SPON1: variants seen among roughly 807,000 people sequenced by gnomAD.
SPON1 encodes the protein spondin 1.
A neutral mutation model predicts 111.7 loss-of-function variants in SPON1; 52 were observed. That is an observed-to-expected ratio of 0.47 (90% CI 0.37 to 0.59). SPON1 has a LOEUF of 0.59. SPON1 is among the 20% of genes least tolerant of loss of function. SPON1 has a pLI of 0.00. For missense variants in SPON1, 957 were observed against 1,068.5 expected, an observed-to-expected ratio of 0.90 and a Z score of 1.46; for synonymous variants, 410 against 395.8, an observed-to-expected ratio of 1.04 and a Z score of -0.43.
At chr11:14,253,489 GC>G (rs1554940843) in intron 7 of SPON1, among the ~76,000 whole-genome samples, 2 of 152,338 alleles carry the variant, frequency 1.3e-5, no homozygotes, top group East Asian at 3.9e-4. Flanking sequence ...TGATACCAGA[GC>G]CCAAGGGGCC....
chr11:14,204,215 T>C (rs1410205328), intron 6 of SPON1, among the ~76,000 whole-genome samples: 1 of 152,224 alleles, frequency 6.6e-6, no homozygotes, highest in Non-Finnish European at 1.5e-5. Flanking sequence ...GGAGGAAGGG[T>C]ACAGCTCTTG....
chr11:14,045,333 G>T lies in SPON1; in HGVS notation c.479+3679G>T, dbSNP rs1848660192. Among the ~76,000 whole-genome samples the T allele has an allele frequency of 2.0e-5, 3 of 152,118 alleles. No individual in the cohort carries two copies. The South Asian group carries it at 6.2e-4, about 32-fold the overall frequency. On this transcript the variant is annotated intron_variant, in intron 3 of 15. Coordinates refer to ENST00000576479, the MANE Select transcript of SPON1 (RefSeq NM_006108.4). ...GCTTGTAATCCCAGCACTTTGGGAG[G>T]CCGAGCCGAGAGGGGGGCAGATCGC...
intron 6 of SPON1, among the ~76,000 whole-genome samples, chr11:14,137,947 C>T (rs923085089): frequency 1.3e-5 from 2 of 152,084 alleles, no homozygotes; most frequent in African/African-American, 2.4e-5. Flanking sequence ...TATTGTTCCC[C>T]GCAAGCACAC....
chr11:14,140,905 G>A (rs764427120), intron 6 of SPON1, among the ~76,000 whole-genome samples: 1 of 152,088 alleles, frequency 6.6e-6, no homozygotes. Context: ...TTTCTTGGAG[G>A]TGTCTTGGGC....
At chr11:14,029,526 G>A (rs1297158247) in intron 2 of SPON1, among the ~76,000 whole-genome samples, 4 of 152,122 alleles carry the variant, frequency 2.6e-5, no homozygotes, top group Non-Finnish European at 5.9e-5. Context: ...AAAAGGAAAA[G>A]CAACTCTCAG....
chr11:14,164,737 G>A (rs956056764), intron 6 of SPON1, among the ~76,000 whole-genome samples: 3 of 152,080 alleles, frequency 2.0e-5, no homozygotes, highest in African/African-American at 7.2e-5. Context: ...ACTTAAATCA[G>A]CCTCCCCTAG....
At chr11:14,237,622 G>C (rs1848882344) in intron 6 of SPON1, among the ~76,000 whole-genome samples, 1 of 152,216 alleles carries the variant, frequency 6.6e-6, no homozygotes, top group Non-Finnish European at 1.5e-5. Flanking sequence ...CTGTTGAATG[G>C]GGGAATGCAC....
chr11:14,025,467 TGTC>T (rs144706609), intron 2 of SPON1, among the ~76,000 whole-genome samples: 1 of 152,292 alleles, frequency 6.6e-6, no homozygotes, highest in African/African-American at 2.4e-5. Context: ...GCAAGATGGT[TGTC>T]ATCTTAAATG....
chr11:14,264,775 C>T (rs1564945423), intron 15 of SPON1, among the ~76,000 whole-genome samples: 1 of 152,102 alleles, frequency 6.6e-6, no homozygotes, highest in Non-Finnish European at 1.5e-5. Flanking sequence ...GCTATGGAAG[C>T]AGTAATCAAA....
At chr11:14,019,150 C>T (rs1848463458) in intron 2 of SPON1, among the ~76,000 whole-genome samples, 1 of 152,044 alleles carries the variant, frequency 6.6e-6, no homozygotes, top group Admixed American at 6.6e-5. Context: ...TTTAGTCATC[C>T]ATAGTATTTG....
chr11:14,012,892 T>G (rs1848416863), intron 2 of SPON1, among the ~76,000 whole-genome samples: 1 of 152,212 alleles, frequency 6.6e-6, no homozygotes, highest in African/African-American at 2.4e-5. Flanking sequence ...GCTACATTTT[T>G]TGCCCTTTTC....
intron 6 of SPON1, among the ~76,000 whole-genome samples, chr11:14,154,975 A>G (rs1269491297): frequency 6.6e-6 from 1 of 152,164 alleles, no homozygotes; most frequent in Non-Finnish European, 1.5e-5. Flanking sequence ...CAGGGACACA[A>G]TGCCGCCAGT....
intron 6 of SPON1, among the ~76,000 whole-genome samples, chr11:14,204,846 G>A (rs562430454): frequency 1.3e-5 from 2 of 151,874 alleles, no homozygotes; most frequent in East Asian, 1.9e-4. Context: ...CACCACCCCC[G>A]GCTAATTTTT....
intron 15 of SPON1, 44 bp downstream of exon 15, chr11:14,263,019 AG>A: frequency 6.5e-7 from 1 of 1,547,674 alleles, no homozygotes; most frequent in African/African-American, 1.4e-5. Context: ...CAGGACAGGC[AG>A]GGTTCTGCAC....
chr11:14,198,325 T>G (rs1179184468), intron 6 of SPON1, among the ~76,000 whole-genome samples: 1 of 152,144 alleles, frequency 6.6e-6, no homozygotes, highest in African/African-American at 2.4e-5. Context: ...TGCCTGGAGG[T>G]AAGAACCTCT....
intron 6 of SPON1, among the ~76,000 whole-genome samples, chr11:14,204,232 T>G (rs1848493497): frequency 6.6e-6 from 1 of 152,180 alleles, no homozygotes; most frequent in African/African-American, 2.4e-5. Context: ...CTTGGGCACA[T>G]CCCCTTGGCT....
At chr11:14,047,080 T>G (rs1479470923) in intron 3 of SPON1, among the ~76,000 whole-genome samples, 1 of 152,194 alleles carries the variant, frequency 6.6e-6, no homozygotes, top group Non-Finnish European at 1.5e-5. Flanking sequence ...TTGGTAGTTC[T>G]ACTGGCTTAT....
At position 14,180,700 on chromosome 11, in the gene SPON1, T is replaced by C. The variant is rs375626276; in HGVS notation, c.825+45132T>C. On this transcript the variant is annotated intron_variant, in intron 6 of 15. Coordinates refer to ENST00000576479, the MANE Select transcript of SPON1 (RefSeq NM_006108.4). ...CCTGAGGACAGGGACTATGCCTTCT[T>C]TAAGTCAGGGAGTTGACGCATGTCT... is the stretch of plus-strand genomic sequence containing the variant. Among the ~76,000 whole-genome samples, 7 of 152,302 alleles carry C rather than the reference T, an allele frequency of 4.6e-5. No individual in the cohort carries two copies. In the East Asian group the frequency reaches 1.2e-3, roughly 25 times the overall value.
At chr11:14,190,662 A>T (rs1320319733) in intron 6 of SPON1, among the ~76,000 whole-genome samples, 1 of 130,852 alleles carries the variant, frequency 7.6e-6, no homozygotes. Flanking sequence ...TTTTTTTGAG[A>T]CAGAGTCTTG....
Sources: allele counts gnomAD v4.1 joint callset (sites outside exome capture counted in the v4.1 genomes callset), GRCh38; gene constraint gnomAD v4.1.1; transcripts MANE v1.5; gene names NCBI Gene and HGNC (gene_info 2026-07-23, HGNC 2026-07-21).